The following ATP8A2 variants were observed in gnomAD, a reference collection of about 807,000 sequenced individuals.
The protein encoded by ATP8A2 is phospholipid-transporting ATPase IB.
A neutral mutation model predicts 165.6 loss-of-function variants in ATP8A2; 100 were observed. The ratio of observed to expected loss-of-function variants is 0.60; its 90% CI spans 0.51 to 0.71. The LOEUF (loss-of-function observed/expected upper bound fraction) is 0.71, where lower values mean the gene tolerates loss of function less well. Ranked by LOEUF, ATP8A2 falls within the 30% of genes least tolerant of loss-of-function variation. ATP8A2 has a pLI of 0.00. For missense variants in ATP8A2, 1,227 were observed against 1,479.5 expected (o/e 0.83, Z 2.80); for synonymous variants, 543 against 548.8 (o/e 0.99, Z 0.15).
intron 25 of ATP8A2, among the ~76,000 whole-genome samples, chr13:25,765,480 G>T (rs180881280): frequency 6.6e-6 from 1 of 152,266 alleles, no homozygotes; most frequent in Admixed American, 6.5e-5. Context: ...AAGTGGAGTG[G>T]TGCCTCTTCA....
At chr13:25,413,183 G>A (rs2034022140) in intron 1 of ATP8A2, among the ~76,000 whole-genome samples, 1 of 151,934 alleles carries the variant, frequency 6.6e-6, no homozygotes, top group African/African-American at 2.4e-5. Context: ...TGATTTTTTG[G>A]TGCAGTACTG....
intron 33 of ATP8A2, among the ~76,000 whole-genome samples, chr13:25,946,406 G>A (rs992044636): frequency 2.0e-5 from 3 of 152,222 alleles, no homozygotes; most frequent in African/African-American, 4.8e-5. Flanking sequence ...ACAAGCAAGA[G>A]AAGCCTGGCT....
intron 33 of ATP8A2, among the ~76,000 whole-genome samples, chr13:25,920,505 T>C (rs1158795174): frequency 6.6e-6 from 1 of 152,128 alleles, no homozygotes; most frequent in Non-Finnish European, 1.5e-5. Flanking sequence ...AGTAAATGGC[T>C]CCACCATCCA....
At chr13:25,929,810 C>A (rs1954714939) in intron 33 of ATP8A2, among the ~76,000 whole-genome samples, 1 of 152,146 alleles carries the variant, frequency 6.6e-6, no homozygotes, top group Non-Finnish European at 1.5e-5. Flanking sequence ...GGCAACAGAG[C>A]GAGACCCTGT....
chr13:25,932,969 C>T (rs1021474689), intron 33 of ATP8A2, among the ~76,000 whole-genome samples: 2 of 152,206 alleles, frequency 1.3e-5, no homozygotes, highest in Admixed American at 6.5e-5. Flanking sequence ...ACCTCAGCCT[C>T]CCCAGTAGCT....
intron 24 of ATP8A2, among the ~76,000 whole-genome samples, chr13:25,650,354 TGTC>T (rs2041783215): frequency 6.6e-6 from 1 of 152,210 alleles, no homozygotes; most frequent in Admixed American, 6.5e-5. Context: ...ATCTTGCTGA[TGTC>T]GTCTGAATTC....
chr13:25,673,961 C>T (rs549630048), intron 24 of ATP8A2, among the ~76,000 whole-genome samples: 1 of 152,180 alleles, frequency 6.6e-6, no homozygotes, highest in African/African-American at 2.4e-5. Context: ...CTAATGTTTT[C>T]AACAAGCTGT....
rs540846471 is a variant in ATP8A2 at position 25,896,669 on chromosome 13, A to T, written c.3183+34261A>T. Among the ~76,000 whole-genome samples the T allele has an allele frequency of 4.6e-5, 7 of 152,264 alleles. No homozygotes were observed. In the South Asian group the frequency reaches 1.5e-3, roughly 32 times the overall value. On this transcript the variant is annotated intron_variant, in intron 33 of 36. Transcript: ENST00000381655. ...CCCATTATTATTGTGTGGGAGTCTA[A>T]GTCTCTTTGTAGTTCTCTAAGGACT...
At chr13:25,897,933 C>T (rs759332447) in intron 33 of ATP8A2, among the ~76,000 whole-genome samples, 43 of 152,164 alleles carry the variant, frequency 2.8e-4, no homozygotes, top group Admixed American at 7.9e-4. Flanking sequence ...GTTATCCATT[C>T]GTCTAATTTT....
At chr13:25,714,150 G>A (rs978480984) in intron 25 of ATP8A2, among the ~76,000 whole-genome samples, 1 of 151,862 alleles carries the variant, frequency 6.6e-6, no homozygotes, top group Non-Finnish European at 1.5e-5. Context: ...AAGGAAGGAG[G>A]GAGGGAAGGA....
chr13:25,475,794 G>A (rs1267631316), intron 2 of ATP8A2, among the ~76,000 whole-genome samples: 2 of 152,126 alleles, frequency 1.3e-5, no homozygotes, highest in Non-Finnish European at 2.9e-5. Context: ...TCATATGTTT[G>A]TTGGTGGCAT....
At chr13:25,553,767 T>C (rs750239580) in intron 11 of ATP8A2, 26 bp from the exon 12 acceptor site, 19 of 1,604,610 alleles carry the variant, frequency 1.2e-5, no homozygotes, top group Non-Finnish European at 1.5e-5. Flanking sequence ...TGAACACCTT[T>C]CAGATACTCT....
At chr13:25,426,091 A>G (rs2034442727) in intron 1 of ATP8A2, among the ~76,000 whole-genome samples, 1 of 152,146 alleles carries the variant, frequency 6.6e-6, no homozygotes, top group South Asian at 2.1e-4. Context: ...GGAGGGAGAG[A>G]TGAATGAGTG....
chr13:25,811,243 C>T (rs188397289), intron 27 of ATP8A2, among the ~76,000 whole-genome samples: 2 of 152,018 alleles, frequency 1.3e-5, no homozygotes, highest in Middle Eastern at 3.2e-3. Flanking sequence ...AAATACATAG[C>T]AATATCAGTG....
intron 25 of ATP8A2, among the ~76,000 whole-genome samples, chr13:25,766,689 G>T (rs961475646): frequency 6.6e-6 from 1 of 152,184 alleles, no homozygotes; most frequent in African/African-American, 2.4e-5. Context: ...TTACCTGAGA[G>T]ACATTGCTGT....
chr13:26,013,073 C>G (rs1956883439), intron 36 of ATP8A2, among the ~76,000 whole-genome samples: 1 of 152,016 alleles, frequency 6.6e-6, no homozygotes, highest in African/African-American at 2.4e-5. Context: ...CACCCCCGCC[C>G]CCACCTCCAG....
At chr13:25,662,180 G>A (rs1416814941) in intron 24 of ATP8A2, among the ~76,000 whole-genome samples, 1 of 152,156 alleles carries the variant, frequency 6.6e-6, no homozygotes, top group African/African-American at 2.4e-5. Context: ...AATATATGCA[G>A]ATTTCTAGAA....
chr13:25,619,421 A>G (rs1405252764), intron 24 of ATP8A2, among the ~76,000 whole-genome samples: 1 of 152,342 alleles, frequency 6.6e-6, no homozygotes, highest in Admixed American at 6.5e-5. Flanking sequence ...ATAAAGCACA[A>G]GAAAGAAGAC....
chr13:25,700,435 T>C (rs1046930844), intron 25 of ATP8A2, among the ~76,000 whole-genome samples: 1 of 152,168 alleles, frequency 6.6e-6, no homozygotes, highest in African/African-American at 2.4e-5. Flanking sequence ...CCTGCACGCC[T>C]TCACCCCCAT....
Sources: allele counts gnomAD v4.1 joint callset (sites outside exome capture counted in the v4.1 genomes callset), GRCh38; gene constraint gnomAD v4.1.1; transcripts MANE v1.5; gene names NCBI Gene and HGNC (gene_info 2026-07-23, HGNC 2026-07-21).